CTIF: variants seen among roughly 807,000 people sequenced by gnomAD.
CTIF encodes the protein CBP80/20-dependent translation initiation factor.
A neutral mutation model predicts 66.0 loss-of-function variants in CTIF; 21 were observed. That is an observed-to-expected ratio of 0.32 (90% CI 0.23 to 0.46). The LOEUF (loss-of-function observed/expected upper bound fraction) is 0.46, where lower values mean the gene tolerates loss of function less well. Among genes scored for constraint, CTIF ranks in the 20% least tolerant of loss-of-function variants. The pLI is 1.00. For missense variants in CTIF, 739 were observed against 812.7 expected (o/e 0.91, Z 1.10); for synonymous variants, 345 against 326.4 (o/e 1.06, Z -0.62).
chr18:48,654,160 A>C (rs1389998757), intron 3 of CTIF, among the ~76,000 whole-genome samples: 1 of 152,242 alleles, frequency 6.6e-6, no homozygotes, highest in Non-Finnish European at 1.5e-5. Context: ...TCTGCACAGC[A>C]AAAGAAACTA....
chr18:48,837,051 TG>T (rs2068827830), intron 10 of CTIF, among the ~76,000 whole-genome samples: 1 of 152,186 alleles, frequency 6.6e-6, no homozygotes, highest in Non-Finnish European at 1.5e-5. Context: ...CTGCCTGGCC[TG>T]GGGGCAAAGG....
intron 10 of CTIF, among the ~76,000 whole-genome samples, chr18:48,852,231 C>CT: frequency 2.2e-5 from 1 of 46,384 alleles, no homozygotes; most frequent in East Asian, 5.1e-4. Context: ...GAGACCCTGT[C>CT]TTAAAAAAAA....
At chr18:48,605,839 G>GA (rs2090191163) in intron 1 of CTIF, among the ~76,000 whole-genome samples, 1 of 152,166 alleles carries the variant, frequency 6.6e-6, no homozygotes, top group Non-Finnish European at 1.5e-5. Flanking sequence ...ACAATGATGG[G>GA]AAAAACGAAA....
At chr18:48,819,376 C>T (rs533856030) in intron 10 of CTIF, among the ~76,000 whole-genome samples, 2 of 152,244 alleles carry the variant, frequency 1.3e-5, no homozygotes, top group Admixed American at 1.3e-4. Context: ...GACAACCCAC[C>T]TCGAGACAGG....
At chr18:48,568,667 A>AAG in intron 1 of CTIF, among the ~76,000 whole-genome samples, 2 of 133,716 alleles carry the variant, frequency 1.5e-5, no homozygotes, top group Admixed American at 7.4e-5. Flanking sequence ...AAAAAAAAAA[A>AAG]AGAGGTTTAA....
At chr18:48,634,544 C>T (rs1031301290) in intron 2 of CTIF, among the ~76,000 whole-genome samples, 6 of 152,196 alleles carry the variant, frequency 3.9e-5, no homozygotes, top group Admixed American at 3.9e-4. Flanking sequence ...CCAGGGTTCC[C>T]GGTCATGCAT....
At chr18:48,798,871 G>A (rs897279271) in intron 9 of CTIF, among the ~76,000 whole-genome samples, 5 of 152,188 alleles carry the variant, frequency 3.3e-5, no homozygotes, top group Non-Finnish European at 1.5e-5. Flanking sequence ...GCTTCTAGTG[G>A]CATTGAGTGG....
At chr18:48,582,484 C>T (rs2089681369) in intron 1 of CTIF, among the ~76,000 whole-genome samples, 1 of 152,090 alleles carries the variant, frequency 6.6e-6, no homozygotes, top group African/African-American at 2.4e-5. Flanking sequence ...GTCTTTGTTG[C>T]CTGCATAGGA....
chr18:48,661,539 G>T (rs534544174), intron 3 of CTIF, among the ~76,000 whole-genome samples: 578 of 152,342 alleles, frequency 3.8e-3, no homozygotes, highest in Non-Finnish European at 5.1e-3. Context: ...GTGATAGAAG[G>T]TGAGTCTCTC....
intron 6 of CTIF, among the ~76,000 whole-genome samples, chr18:48,693,083 C>T (rs1253219887): frequency 1.3e-5 from 2 of 152,132 alleles, no homozygotes; most frequent in African/African-American, 4.8e-5. Context: ...GATGATGAAT[C>T]GGTGTTAATG....
chr18:48,822,729 C>G (rs953465597), intron 10 of CTIF, among the ~76,000 whole-genome samples: 5 of 152,036 alleles, frequency 3.3e-5, no homozygotes, highest in African/African-American at 1.2e-4. Context: ...TTTTTGAGGA[C>G]CCTCCATTTT....
intron 10 of CTIF, among the ~76,000 whole-genome samples, chr18:48,849,349 C>A (rs537660732): frequency 6.6e-6 from 1 of 151,540 alleles, no homozygotes; most frequent in South Asian, 2.1e-4. Flanking sequence ...AGGCGTCTGC[C>A]ACCATGCCTG....
intron 7 of CTIF, among the ~76,000 whole-genome samples, chr18:48,715,517 C>A (rs768784797): frequency 2.0e-5 from 3 of 152,180 alleles, no homozygotes; most frequent in Non-Finnish European, 4.4e-5. Flanking sequence ...CTCGTTCCCC[C>A]CCTTTTCTCA....
intron 1 of CTIF, among the ~76,000 whole-genome samples, chr18:48,607,389 C>G (rs1032082396): frequency 6.6e-6 from 1 of 152,214 alleles, no homozygotes; most frequent in African/African-American, 2.4e-5. Context: ...GAGGGGCCTG[C>G]CCTCTGACAC....
intron 10 of CTIF, among the ~76,000 whole-genome samples, chr18:48,852,233 TAAAAAAAAAAAAAA>T (rs10591389): frequency 0.027 from 1,801 of 66,628 alleles, 57 homozygotes; most frequent in South Asian, 0.054. Context: ...GACCCTGTCT[TAAAAAAAAAAAAAA>T]AAAAAAAAAA....
At chr18:48,554,718 C>T (rs1264687080) in intron 1 of CTIF, among the ~76,000 whole-genome samples, 1 of 152,244 alleles carries the variant, frequency 6.6e-6, no homozygotes, top group Admixed American at 6.5e-5. Context: ...CTTCCCACTT[C>T]AATCTAGAAG....
intron 6 of CTIF, among the ~76,000 whole-genome samples, chr18:48,691,365 T>C (rs929659623): frequency 1.3e-5 from 2 of 152,290 alleles, no homozygotes; most frequent in African/African-American, 4.8e-5. Context: ...CTCCCTCCCT[T>C]TGGGAGACAT....
At position 48,695,319 on chromosome 18, in the gene CTIF, T is replaced by TG. The variant is rs2091990341; in HGVS notation, c.508-16299dup. Among the ~76,000 whole-genome samples, 3 of 152,344 alleles carry TG rather than the reference T, an allele frequency of 2.0e-5. 1 individual carries two copies. The South Asian group carries it at 6.2e-4, about 32-fold the overall frequency. ...GTTCACTCCATCAATCAGCATTTGT[T>TG]GAGTACCTGCTATGTGACATTGCTG... On this transcript the variant is annotated intron_variant, in intron 6 of 11. Coordinates refer to ENST00000256413, the MANE Select transcript of CTIF (RefSeq NM_014772.3).
chr18:48,586,188 T>C (rs547987348), intron 1 of CTIF, among the ~76,000 whole-genome samples: 21 of 152,132 alleles, frequency 1.4e-4, no homozygotes, highest in Admixed American at 5.9e-4. Context: ...CAGCAGAAGA[T>C]AGGTTGCACA....
Sources: allele counts gnomAD v4.1 joint callset (sites outside exome capture counted in the v4.1 genomes callset), GRCh38; gene constraint gnomAD v4.1.1; transcripts MANE v1.5; gene names NCBI Gene and HGNC (gene_info 2026-07-23, HGNC 2026-07-21).